FRMPD2: variants seen among roughly 807,000 people sequenced by gnomAD.
FRMPD2 encodes FERM and PDZ domain-containing protein 2.
FRMPD2 carries 96 observed loss-of-function variants against 140.1 expected under a neutral mutation model. That is an observed-to-expected ratio of 0.69 (90% CI 0.58 to 0.81). The LOEUF is 0.81. Ranked by LOEUF, FRMPD2 falls within the 40% of genes least tolerant of loss-of-function variation. FRMPD2 has a pLI of 0.00. For missense variants in FRMPD2, 1,240 were observed against 1,447.4 expected, an observed-to-expected ratio of 0.86 and a Z score of 2.32; for synonymous variants, 449 against 547.6, an observed-to-expected ratio of 0.82 and a Z score of 2.52.
At chr10:48,186,599 A>G (rs915037972) in intron 17 of FRMPD2, among the ~76,000 whole-genome samples, 22 of 152,190 alleles carry the variant, frequency 1.4e-4, no homozygotes, top group African/African-American at 5.3e-4. Context: ...TTCACCTCCC[A>G]CCGTGATTCT....
intron 21 of FRMPD2, among the ~76,000 whole-genome samples, chr10:48,179,982 G>A (rs1237354843): frequency 1.3e-5 from 2 of 152,230 alleles, no homozygotes; most frequent in Non-Finnish European, 2.9e-5. Context: ...GACCACCCCT[G>A]AGCCTGAAGG....
At chr10:48,206,975 G>T (rs761994335) in intron 13 of FRMPD2, 42 bp from the exon 14 acceptor site, 3 of 1,582,398 alleles carry the variant, frequency 1.9e-6, no homozygotes, top group East Asian at 4.5e-5. Flanking sequence ...CAGGCACATG[G>T]TTTAAAATAA....
At chr10:48,274,234 TAA>T (rs764356231) in intron 1 of FRMPD2, among the ~76,000 whole-genome samples, 4 of 152,168 alleles carry the variant, frequency 2.6e-5, no homozygotes, top group Admixed American at 6.5e-5. Context: ...TTAGGAAAGT[TAA>T]AAGAGTCATT....
chr10:48,182,308 G>A (rs1240144595), intron 20 of FRMPD2, among the ~76,000 whole-genome samples: 1 of 152,158 alleles, frequency 6.6e-6, no homozygotes, highest in Non-Finnish European at 1.5e-5. Flanking sequence ...TCCATGAGAG[G>A]TGAGGATGGG....
intron 13 of FRMPD2, 129 bp downstream of exon 13, chr10:48,211,825 A>G: frequency 1.3e-6 from 1 of 754,260 alleles, no homozygotes; most frequent in Non-Finnish European, 2.0e-6. Context: ...TGCCTCCTAG[A>G]GTTCCACCCT....
At chr10:48,185,366 CA>C (rs1838656365) in intron 18 of FRMPD2, among the ~76,000 whole-genome samples, 186 bp downstream of exon 18, 1 of 151,532 alleles carries the variant, frequency 6.6e-6, no homozygotes, top group Non-Finnish European at 1.5e-5. Flanking sequence ...AACTTGGAAA[CA>C]AAAGTCCCAT....
intron 16 of FRMPD2, 26 bp downstream of exon 16, chr10:48,192,642 ACATGGTGGTTTGGGCC>A (rs1588819551): frequency 1.3e-6 from 2 of 1,498,370 alleles, no homozygotes; most frequent in African/African-American, 2.8e-5. Flanking sequence ...ACCATCAAGC[ACATGGTGGTTTGGGCC>A]CAGAGAACAA....
intron 15 of FRMPD2, among the ~76,000 whole-genome samples, chr10:48,200,789 C>T (rs1839067741): frequency 6.6e-6 from 1 of 152,198 alleles, no homozygotes; most frequent in Non-Finnish European, 1.5e-5. Context: ...TATATAGATG[C>T]TCTTGGTTTA....
chr10:48,266,482 T>C (rs939715688), intron 1 of FRMPD2, among the ~76,000 whole-genome samples: 3 of 152,168 alleles, frequency 2.0e-5, no homozygotes, highest in Non-Finnish European at 4.4e-5. Context: ...GTGATGTTGG[T>C]GAAAGAATAC....
At chr10:48,159,010 A>G in intron 28 of FRMPD2, 1 of 348,968 alleles carries the variant, frequency 2.9e-6, no homozygotes, top group Admixed American at 3.9e-5. Flanking sequence ...AAATTCATAG[A>G]AGCAGATTGG....
At chr10:48,182,187 G>A (rs563731198) in intron 20 of FRMPD2, among the ~76,000 whole-genome samples, 10 of 152,214 alleles carry the variant, frequency 6.6e-5, no homozygotes, top group African/African-American at 1.9e-4. Flanking sequence ...AGCAGGGAGT[G>A]GCAGGGCCAC....
intron 15 of FRMPD2, among the ~76,000 whole-genome samples, chr10:48,200,100 C>T (rs1289488996): frequency 6.6e-6 from 1 of 150,860 alleles, no homozygotes; most frequent in Non-Finnish European, 1.5e-5. Flanking sequence ...TTACCTTTTG[C>T]CCAAAATTGC....
At chr10:48,237,204 GT>G (rs1839987076) in intron 8 of FRMPD2, among the ~76,000 whole-genome samples, 1 of 151,908 alleles carries the variant, frequency 6.6e-6, no homozygotes, top group Non-Finnish European at 1.5e-5. Flanking sequence ...GGCTTCTATA[GT>G]GCCCCCAAGG....
chr10:48,182,651 G>A (rs2132424535), intron 20 of FRMPD2, among the ~76,000 whole-genome samples: 1 of 152,292 alleles, frequency 6.6e-6, no homozygotes, highest in Non-Finnish European at 1.5e-5. Flanking sequence ...AGGTGGCTGG[G>A]GTGCCACAGT....
chr10:48,217,620 T>A (rs1433876857), intron 12 of FRMPD2, among the ~76,000 whole-genome samples: 1 of 152,254 alleles, frequency 6.6e-6, no homozygotes, highest in Non-Finnish European at 1.5e-5. Flanking sequence ...ATGCTCCTTA[T>A]TTCCTGAGGT....
intron 3 of FRMPD2, 57 bp downstream of exon 3, chr10:48,248,964 G>A: frequency 1.3e-6 from 2 of 1,491,810 alleles, no homozygotes; most frequent in African/African-American, 2.8e-5. Context: ...CTGCCGCTGG[G>A]ACAGGCCTTT....
intron 16 of FRMPD2, among the ~76,000 whole-genome samples, chr10:48,191,217 G>A (rs529240072): frequency 2.2e-4 from 34 of 152,108 alleles, no homozygotes; most frequent in Non-Finnish European, 4.7e-4. Flanking sequence ...GACTACTCAC[G>A]GAGAGAGAGG....
chr10:48,244,927 A>G lies in FRMPD2; in HGVS notation c.310-78T>C, dbSNP rs1024885098. 10 of 1,079,282 alleles carry G rather than the reference A, an allele frequency of 9.3e-6. No individual in the cohort carries two copies. In the African/African-American group the frequency reaches 1.1e-4, roughly 12 times the overall value. 66.9% of individuals were successfully genotyped at this position (1,079,282 alleles called of 1,614,324 possible). A position where few individuals can be genotyped will look rare whatever the true frequency, so the allele number is the denominator to read the frequency against. On this transcript the variant is annotated intron_variant, in intron 3 of 28. Coordinates refer to ENST00000374201, the MANE Select transcript of FRMPD2 (RefSeq NM_001018071.4). ...GGCTCTGCAAGAAAAATACAATCCA[A>G]TTTCCACATGAACAGACACTGTTGT... is the stretch of plus-strand genomic sequence containing the variant.
intron 2 of FRMPD2, 77 bp downstream of exon 2, chr10:48,251,489 G>A: frequency 6.4e-7 from 1 of 1,560,174 alleles, no homozygotes; most frequent in Non-Finnish European, 8.7e-7. Context: ...AAAAGCAGCA[G>A]CAGCCAGAAC....
Sources: gnomAD v4.1 joint callset for allele counts (sites outside exome capture counted in the v4.1 genomes callset) on GRCh38, gnomAD v4.1.1 for gene constraint, MANE v1.5 for transcripts, NCBI Gene and HGNC (gene_info 2026-07-23, HGNC 2026-07-21) for gene names.